ATP10A: variants seen among roughly 807,000 people sequenced by gnomAD.
The protein encoded by ATP10A is ATPase phospholipid transporting 10A (putative).
ATP10A carries 111 observed loss-of-function variants against 147.8 expected under a neutral mutation model. The observed-to-expected ratio is 0.75, with a 90% CI of 0.64 to 0.88. ATP10A has a LOEUF of 0.88. Among genes scored for constraint, ATP10A ranks in the 40% least tolerant of loss-of-function variants. ATP10A has a pLI of 0.00. For synonymous variants in ATP10A, 875 were observed against 841.6 expected (o/e 1.04, Z -0.69); for missense variants, 1,927 against 1,959.0 (o/e 0.98, Z 0.31).
chr15:25,744,344 A>C (rs1457950526), intron 2 of ATP10A, among the ~76,000 whole-genome samples: 1 of 152,158 alleles, frequency 6.6e-6, no homozygotes, highest in African/African-American at 2.4e-5. Flanking sequence ...CTGTGTGTGC[A>C]CATGTATGTG....
At chr15:25,832,827 C>T (rs962418061) in intron 1 of ATP10A, among the ~76,000 whole-genome samples, 2 of 151,982 alleles carry the variant, frequency 1.3e-5, no homozygotes, top group Non-Finnish European at 1.5e-5. Flanking sequence ...ATTTTGAATG[C>T]TCCCAATAAA....
intron 2 of ATP10A, among the ~76,000 whole-genome samples, chr15:25,747,198 A>G (rs1887888703): frequency 6.6e-6 from 1 of 151,804 alleles, no homozygotes; most frequent in South Asian, 2.1e-4. Flanking sequence ...CTGAGTCAAG[A>G]GAAACACTTG....
intron 1 of ATP10A, among the ~76,000 whole-genome samples, chr15:25,856,598 T>A (rs1228352974): frequency 6.6e-6 from 1 of 152,146 alleles, no homozygotes; most frequent in African/African-American, 2.4e-5. Flanking sequence ...ATAAAAGTAT[T>A]TCCTATAATA....
chr15:25,850,576 G>A (rs1193097576), intron 1 of ATP10A, among the ~76,000 whole-genome samples: 1 of 152,126 alleles, frequency 6.6e-6, no homozygotes, highest in Non-Finnish European at 1.5e-5. Context: ...CAGTTTTGGA[G>A]AACTGGAACT....
At chr15:25,846,526 A>G (rs1031753612) in intron 1 of ATP10A, among the ~76,000 whole-genome samples, 1 of 152,136 alleles carries the variant, frequency 6.6e-6, no homozygotes, top group Non-Finnish European at 1.5e-5. Flanking sequence ...TGACATGCTC[A>G]GCGCAGAAGG....
chr15:25,817,152 G>A (rs1470039450), intron 1 of ATP10A, among the ~76,000 whole-genome samples: 2 of 151,964 alleles, frequency 1.3e-5, no homozygotes, highest in Non-Finnish European at 2.9e-5. Flanking sequence ...GTGCAATCTT[G>A]GCTCACTGCA....
intron 2 of ATP10A, among the ~76,000 whole-genome samples, chr15:25,752,314 A>T (rs1888196201): frequency 6.6e-6 from 1 of 152,256 alleles, no homozygotes; most frequent in Non-Finnish European, 1.5e-5. Context: ...AATACTATTC[A>T]GCTTTAAAAA....
intron 1 of ATP10A, among the ~76,000 whole-genome samples, chr15:25,792,550 A>T (rs1253146762): frequency 6.6e-6 from 1 of 152,104 alleles, no homozygotes; most frequent in East Asian, 1.9e-4. Context: ...TATTTAAATG[A>T]CCCTGCAAAT....
intron 1 of ATP10A, among the ~76,000 whole-genome samples, chr15:25,844,031 C>T (rs1002821492): frequency 4.6e-5 from 7 of 152,030 alleles, no homozygotes; most frequent in East Asian, 1.9e-4. Flanking sequence ...CAAGACAAAT[C>T]GAATAGAGAG....
At chr15:25,791,001 C>T (rs1172515121) in intron 1 of ATP10A, among the ~76,000 whole-genome samples, 1 of 152,002 alleles carries the variant, frequency 6.6e-6, no homozygotes, top group Admixed American at 6.6e-5. Context: ...ACAATTCACA[C>T]TCCTCCGTCA....
chr15:25,705,996 G>C (rs1054331732), intron 12 of ATP10A, among the ~76,000 whole-genome samples: 2 of 152,184 alleles, frequency 1.3e-5, no homozygotes, highest in East Asian at 3.9e-4. Flanking sequence ...GCGGGATGTG[G>C]TGGAATCAGT....
intron 12 of ATP10A, among the ~76,000 whole-genome samples, chr15:25,705,543 T>C (rs774635561): frequency 5.3e-5 from 8 of 151,672 alleles, no homozygotes; most frequent in Middle Eastern, 3.4e-3. Context: ...CTTTTCTTAA[T>C]GAAGCTGAGG....
At chr15:25,844,804 CCT>C (rs1382519284) in intron 1 of ATP10A, among the ~76,000 whole-genome samples, 5 of 152,162 alleles carry the variant, frequency 3.3e-5, no homozygotes, top group Non-Finnish European at 7.3e-5. Flanking sequence ...ATGCTTAGCC[CCT>C]GTCTGCAAAA....
chr15:25,847,975 C>T (rs1208120997), intron 1 of ATP10A, among the ~76,000 whole-genome samples: 3 of 132,046 alleles, frequency 2.3e-5, no homozygotes, highest in Non-Finnish European at 5.1e-5. Context: ...AATATTAACA[C>T]ACAAAAAGCT....
intron 1 of ATP10A, among the ~76,000 whole-genome samples, chr15:25,855,383 C>T (rs1159077127): frequency 6.6e-6 from 1 of 152,130 alleles, no homozygotes; most frequent in African/African-American, 2.4e-5. Flanking sequence ...ATAAAAGCTA[C>T]ATGATCATTT....
At chr15:25,794,418 A>C (rs1890571837) in intron 1 of ATP10A, among the ~76,000 whole-genome samples, 1 of 152,244 alleles carries the variant, frequency 6.6e-6, no homozygotes, top group African/African-American at 2.4e-5. Flanking sequence ...ATATTTCTCC[A>C]TAACATATTT....
chr15:25,829,834 G>A (rs932864463), intron 1 of ATP10A, among the ~76,000 whole-genome samples: 5 of 152,184 alleles, frequency 3.3e-5, no homozygotes, highest in Non-Finnish European at 4.4e-5. Context: ...GGGCCACCAG[G>A]TACAGGACCC....
chr15:25,751,046 G>A (rs9920690), intron 2 of ATP10A, among the ~76,000 whole-genome samples: 52,735 of 151,750 alleles, frequency 0.35, 9,525 homozygotes, highest in Non-Finnish European at 0.4. Context: ...AGGCAGACTC[G>A]TTTTTAAAAA....
intron 2 of ATP10A, among the ~76,000 whole-genome samples, chr15:25,744,533 G>A (rs1380036823): frequency 6.6e-6 from 1 of 152,154 alleles, no homozygotes; most frequent in African/African-American, 2.4e-5. Flanking sequence ...CAGATCCACA[G>A]GAAGTTTAAA....
Sources: allele counts gnomAD v4.1 joint callset (sites outside exome capture counted in the v4.1 genomes callset), GRCh38; gene constraint gnomAD v4.1.1; transcripts MANE v1.5; gene names NCBI Gene and HGNC (gene_info 2026-07-23, HGNC 2026-07-21).